LRRFIP1: variants seen among roughly 807,000 people sequenced by gnomAD.
LRRFIP1 encodes leucine-rich repeat flightless-interacting protein 1.
LRRFIP1 carries 62 observed loss-of-function variants against 104.4 expected under a neutral mutation model. The ratio of observed to expected loss-of-function variants is 0.59; its 90% confidence interval spans 0.48 to 0.73. The LOEUF is 0.73. Among genes scored for constraint, LRRFIP1 ranks in the 30% least tolerant of loss-of-function variants. The pLI is 0.00. For missense variants in LRRFIP1, 796 were observed against 824.5 expected, an observed-to-expected ratio of 0.97 and a Z score of 0.42; for synonymous variants, 300 against 299.0, an observed-to-expected ratio of 1.00 and a Z score of -0.03.
rs1373610373 is a variant in LRRFIP1 at position 237,627,728 on chromosome 2, G to T, written c.84G>T (p.Gln28His). The T allele has an allele frequency of 3.0e-6, 4 of 1,331,156 alleles. No homozygotes were observed. Among genetic ancestry groups the T allele is most frequent in the Non-Finnish European group, 3.9e-6 (4 of 1,030,822 alleles). The allele number at this position is 1,331,156 out of a possible 1,614,324, so 82.5% of individuals were successfully genotyped here. ...RLTAEDDALNQIAREAEARLA... is the reference protein window; with the variant it reads ...RLTAEDDALNHIAREAEARLA... ...CGGCGGAGGACGACGCGCTCAACCA[G>T]ATCGCGCGGGAGGTGAGCGCTCCGG... is the stretch of plus-strand genomic sequence containing the variant. The change falls in exon 1 of 24, where the codon CAG (glutamine) becomes CAT (histidine). Residue 28 changes from glutamine to histidine, a missense_variant. Transcript: ENST00000308482.
intron 1 of LRRFIP1, among the ~76,000 whole-genome samples, chr2:237,630,739 G>A (rs1283094459): frequency 2.6e-5 from 4 of 152,180 alleles, no homozygotes; most frequent in Non-Finnish European, 5.9e-5. Context: ...AGGATTCCCC[G>A]CCAGCCTCAC....
intron 1 of LRRFIP1, among the ~76,000 whole-genome samples, chr2:237,648,296 C>G (rs894199008): frequency 6.6e-6 from 1 of 151,836 alleles, no homozygotes; most frequent in African/African-American, 2.4e-5. Flanking sequence ...CATGTTTTCC[C>G]GACAACTGCT....
At position 237,627,713 on chromosome 2, in the gene LRRFIP1, C is replaced by A; in HGVS notation, c.69C>A (p.Asp23Glu). The change falls in exon 1 of 24, where the codon GAC becomes GAA. Residue 23 changes from aspartate (D) to glutamate (E), a missense_variant. Transcript: ENST00000308482. ...LPNRERLTAE[D>E]DALNQIAREA... ...ACCGGGAGCGGCTCACGGCGGAGGACGACGCGCTCAACCAGATCGCGCGGG... is the reference window on the plus strand; with the variant it reads ...ACCGGGAGCGGCTCACGGCGGAGGAAGACGCGCTCAACCAGATCGCGCGGG... The A allele has an allele frequency of 7.3e-7, 1 of 1,363,476 alleles. No homozygotes were observed. The highest frequency in any genetic ancestry group is 9.6e-7 in the Non-Finnish European group (1 of 1,046,586). 84.5% of individuals were successfully genotyped at this position (1,363,476 alleles called of 1,614,324 possible). A position where few individuals can be genotyped will look rare whatever the true frequency, so the allele number is the denominator to read the frequency against.
chr2:237,731,107 G>A (rs762146848), intron 8 of LRRFIP1, among the ~76,000 whole-genome samples: 6 of 152,200 alleles, frequency 3.9e-5, no homozygotes, highest in Admixed American at 6.5e-5. Flanking sequence ...GAGCTGTTCC[G>A]TGAACCTGGT....
chr2:237,699,756 G>C (rs6730431), intron 1 of LRRFIP1, among the ~76,000 whole-genome samples: 871 of 122,962 alleles, frequency 7.1e-3, no homozygotes, highest in Admixed American at 8.6e-3. Context: ...CTGCCCCCCC[G>C]CCCCAATACC....
At chr2:237,707,805 A>G (rs1280174620) in intron 1 of LRRFIP1, among the ~76,000 whole-genome samples, 1 of 152,248 alleles carries the variant, frequency 6.6e-6, no homozygotes, top group Non-Finnish European at 1.5e-5. Context: ...CAGAACAGCT[A>G]CAAGCTGAAA....
intron 23 of LRRFIP1, among the ~76,000 whole-genome samples, chr2:237,778,326 T>C (rs1188108829): frequency 1.3e-5 from 2 of 152,216 alleles, no homozygotes; most frequent in Admixed American, 6.5e-5. Flanking sequence ...AGCAGAGCCA[T>C]AGACCCTGTT....
chr2:237,749,420 ATCTT>A, intron 13 of LRRFIP1, 96 bp downstream of exon 13: 1 of 1,441,414 alleles, frequency 6.9e-7, no homozygotes, highest in Non-Finnish European at 9.3e-7. Context: ...AAAGTTCTGG[ATCTT>A]TCTTCTTGGT....
chr2:237,752,815 T>G (rs904540030), intron 14 of LRRFIP1, among the ~76,000 whole-genome samples: 1 of 152,228 alleles, frequency 6.6e-6, no homozygotes, highest in Non-Finnish European at 1.5e-5. Context: ...ACTGCTCCTT[T>G]CCTGGTTCAT....
At chr2:237,713,625 TAATG>T (rs368832156) in intron 2 of LRRFIP1, among the ~76,000 whole-genome samples, 14 of 152,296 alleles carry the variant, frequency 9.2e-5, no homozygotes, top group African/African-American at 2.4e-4. Flanking sequence ...ACAAATGTCT[TAATG>T]AATGAATGAA....
intron 1 of LRRFIP1, among the ~76,000 whole-genome samples, chr2:237,677,543 G>A (rs1016674838): frequency 2.6e-5 from 4 of 152,162 alleles, no homozygotes; most frequent in African/African-American, 7.2e-5. Flanking sequence ...TATAACCCTA[G>A]CACTTTGAGA....
rs201221434 is a variant in LRRFIP1 at position 237,719,566 on chromosome 2, C to G, written c.293C>G (p.Ser98Trp). ...TCTCGTAGATCCAGAAGAAACACAT[C>G]GGTTAGTACCGTGTTCATTCATTAC... ...RYSRRSRRNT[S>W]ASDEDERMSV... Residue 98 changes from serine (S) to tryptophan (W), a missense_variant and splice_region_variant, in exon 5 of 24, where the codon TCG becomes TGG. Transcript: ENST00000308482. The G allele has an allele frequency of 6.2e-7, 1 of 1,611,682 alleles. No individual in the cohort carries two copies. Among genetic ancestry groups the G allele is most frequent in the South Asian group, 1.1e-5 (1 of 90,864 alleles).
At position 237,663,585 on chromosome 2, in the gene LRRFIP1, A is replaced by G. The variant is rs199931675; in HGVS notation, c.96+35845A>G. Among the ~76,000 whole-genome samples the G allele has an allele frequency of 1.4e-4, 22 of 152,342 alleles. No homozygotes were observed. The East Asian group carries it at 3.7e-3, about 25-fold the overall frequency. On this transcript the variant is annotated intron_variant, in intron 1 of 23. Coordinates refer to ENST00000308482, the MANE Select transcript of LRRFIP1 (RefSeq NM_001137550.2). ...TGGGGGAAGTTAATTTCTGTTGTTT[A>G]TAAGCCACCTAGTCTATGCCCTTCT...
At chr2:237,693,416 G>A (rs1377982933) in intron 1 of LRRFIP1, among the ~76,000 whole-genome samples, 6 of 152,164 alleles carry the variant, frequency 3.9e-5, no homozygotes, top group Non-Finnish European at 8.8e-5. Flanking sequence ...CCAGAGAGAG[G>A]TGTAGAAGTA....
chr2:237,697,013 C>T (rs559906757), intron 1 of LRRFIP1, among the ~76,000 whole-genome samples: 1 of 152,288 alleles, frequency 6.6e-6, no homozygotes, highest in East Asian at 1.9e-4. Context: ...ATTCAAAGAA[C>T]GAACTTACTT....
intron 14 of LRRFIP1, among the ~76,000 whole-genome samples, chr2:237,751,847 T>A (rs929606457): frequency 6.6e-6 from 1 of 152,174 alleles, no homozygotes; most frequent in Non-Finnish European, 1.5e-5. Flanking sequence ...AGCCAGGAGA[T>A]GTGGTTGCCC....
intron 1 of LRRFIP1, among the ~76,000 whole-genome samples, chr2:237,695,618 A>G (rs1354996671): frequency 6.6e-6 from 1 of 152,248 alleles, no homozygotes; most frequent in Admixed American, 6.5e-5. Context: ...GAAGCCCCAG[A>G]GGCCATAATG....
intron 10 of LRRFIP1, among the ~76,000 whole-genome samples, chr2:237,737,552 A>G (rs1324712650): frequency 6.6e-6 from 1 of 152,222 alleles, no homozygotes; most frequent in Non-Finnish European, 1.5e-5. Flanking sequence ...GGTGGGCAGT[A>G]AGCTCTATTC....
chr2:237,746,038 AATTTT>A (rs1173090461), intron 11 of LRRFIP1, among the ~76,000 whole-genome samples: 93 of 151,362 alleles, frequency 6.1e-4, no homozygotes, highest in African/African-American at 2.3e-3. Flanking sequence ...TGTTCTTTGA[AATTTT>A]ATTTATTTTA....
Sources: allele counts gnomAD v4.1 joint callset (sites outside exome capture counted in the v4.1 genomes callset), GRCh38; gene constraint gnomAD v4.1.1; transcripts MANE v1.5; gene names NCBI Gene and HGNC (gene_info 2026-07-23, HGNC 2026-07-21).